NAP1L1: variants seen among roughly 807,000 people sequenced by gnomAD.
The protein encoded by NAP1L1 is nucleosome assembly protein 1-like 1.
Under a neutral mutation model 58.9 loss-of-function variants are expected in NAP1L1, and 9 were observed. That is an observed-to-expected ratio of 0.15 (90% CI 0.09 to 0.27). NAP1L1 has a LOEUF of 0.27. NAP1L1 is among the 10% of genes least tolerant of loss of function. The pLI is 1.00. For synonymous variants in NAP1L1, 130 were observed against 138.3 expected (o/e 0.94, Z 0.42); for missense variants, 302 against 458.8 (o/e 0.66, Z 3.12).
chr12:76,077,196 C>T (rs779910689), intron 1 of NAP1L1, among the ~76,000 whole-genome samples: 34 of 152,188 alleles, frequency 2.2e-4, no homozygotes, highest in Admixed American at 5.2e-4. Context: ...TAAAATGAAA[C>T]TTTAGTAAAG....
rs1280581342 is a variant in NAP1L1 at position 76,059,995 on chromosome 12, C to T, written c.349-117G>A. Reference sequence around the variant, plus strand: ...CAAATGCATACCACAACTTTAACTGCTATTATTGATAGTTCCTCCAAGTGC... The same window carrying T: ...CAAATGCATACCACAACTTTAACTGTTATTATTGATAGTTCCTCCAAGTGC... On this transcript the variant is annotated intron_variant, in intron 5 of 14. Coordinates refer to ENST00000618691, the MANE Select transcript of NAP1L1 (RefSeq NM_004537.7). 7 of 1,165,036 alleles carry T rather than the reference C, an allele frequency of 6.0e-6. No homozygotes were observed. The African/African-American group carries it at 9.3e-5, about 15-fold the overall frequency. The allele number at this position is 1,165,036 out of a possible 1,614,324, so 72.2% of individuals were successfully genotyped here. A position where few individuals can be genotyped will look rare whatever the true frequency, so the allele number is the denominator to read the frequency against.
At chr12:76,050,396 A>T in intron 12 of NAP1L1, 135 bp downstream of exon 12, 1 of 1,096,604 alleles carries the variant, frequency 9.1e-7, no homozygotes, top group Non-Finnish European at 1.3e-6. Flanking sequence ...GAAAAGCTAT[A>T]TACAGAACAT....
At chr12:76,067,280 T>C (rs764088318) in intron 4 of NAP1L1, 91 bp downstream of exon 4, 18 of 965,130 alleles carry the variant, frequency 1.9e-5, no homozygotes, top group Non-Finnish European at 2.9e-5. Context: ...GTTTCCACTA[T>C]TGCATATCTA....
At chr12:76,061,385 G>A (rs1399266019) in intron 4 of NAP1L1, among the ~76,000 whole-genome samples, 1 of 152,202 alleles carries the variant, frequency 6.6e-6, no homozygotes, top group Non-Finnish European at 1.5e-5. Context: ...ACGATATTTG[G>A]TTCTCTGTTC....
chr12:76,063,436 T>C (rs547254275), intron 4 of NAP1L1, among the ~76,000 whole-genome samples: 43 of 152,258 alleles, frequency 2.8e-4, no homozygotes, highest in Non-Finnish European at 5.6e-4. Flanking sequence ...AATTAAAAAA[T>C]AGAGAAAGAT....
Position 76,037,639 on chromosome 12 carries a change from T to C in NAP1L1, c.*10790A>G, listed in dbSNP as rs1871080489. ...TATTTTGACTCGTTCCACTCAACCT[T>C]GAGCGAGTGCCAGTCATACATCTCC... On this transcript the variant is annotated 3_prime_UTR_variant, in exon 15 of 15. Transcript: ENST00000618691. 1 of 152,272 alleles carries C rather than the reference T, an allele frequency of 6.6e-6. No homozygotes were observed. Among genetic ancestry groups the C allele is most frequent in the Non-Finnish European group, 1.5e-5 (1 of 68,068 alleles). 9.4% of individuals were successfully genotyped at this position (152,272 alleles called of 1,614,324 possible). A position where few individuals can be genotyped will look rare whatever the true frequency, so the allele number is the denominator to read the frequency against.
chr12:76,053,037 C>T, intron 11 of NAP1L1, 54 bp downstream of exon 11: 1 of 1,528,034 alleles, frequency 6.5e-7, no homozygotes, highest in Non-Finnish European at 9.0e-7. Flanking sequence ...AAATTCAGTG[C>T]TTTAATTTCA....
intron 6 of NAP1L1, among the ~76,000 whole-genome samples, chr12:76,059,189 G>C (rs1364716285): frequency 2.0e-5 from 3 of 152,192 alleles, no homozygotes; most frequent in Admixed American, 1.3e-4. Context: ...TGTGTGGTAT[G>C]TTTATGTTTA....
Position 76,037,547 on chromosome 12 carries a change from C to T in NAP1L1, c.*10882G>A, listed in dbSNP as rs1195058648. On this transcript the variant is annotated 3_prime_UTR_variant, in exon 15 of 15. Coordinates refer to ENST00000618691, the MANE Select transcript of NAP1L1 (RefSeq NM_004537.7). ...AAACATGACAGAAAACTTCTATTCG[C>T]CTCCAATTGTATACATTCCAATTCC... 1 of 152,232 alleles carries T rather than the reference C, an allele frequency of 6.6e-6. No individual in the cohort carries two copies. The highest frequency in any genetic ancestry group is 2.4e-5 in the African/African-American group (1 of 41,428). 9.4% of individuals were successfully genotyped at this position (152,232 alleles called of 1,614,324 possible).
chr12:76,071,881 A>C (rs1322263421), intron 2 of NAP1L1, among the ~76,000 whole-genome samples: 2 of 151,810 alleles, frequency 1.3e-5, no homozygotes, highest in Admixed American at 6.6e-5. Flanking sequence ...CTAAATGTAG[A>C]GCCTCCTCTA....
Position 76,059,818 on chromosome 12 carries a change from C to G in NAP1L1, c.409G>C (p.Asp137His), listed in dbSNP as rs1237452360. Residue 137 changes from aspartate (D) to histidine (H), a missense_variant, in exon 6 of 15, where the codon GAT (aspartate) becomes CAT (histidine). Coordinates refer to ENST00000618691, the MANE Select transcript of NAP1L1 (RefSeq NM_004537.7). ...PTEEECEWKPDEEDEISEELK... is the reference protein window; with the variant it reads ...PTEEECEWKPHEEDEISEELK... ...CTAACCGAAATCTCATCTTCTTCAT[C>G]TGGTTTCCATTCACATTCTTCTTCC... 2 of 1,604,052 alleles carry G rather than the reference C, an allele frequency of 1.2e-6. No individual in the cohort carries two copies. Among genetic ancestry groups the G allele is most frequent in the African/African-American group, 2.7e-5 (2 of 74,462 alleles).
intron 1 of NAP1L1, among the ~76,000 whole-genome samples, chr12:76,077,705 C>T (rs769721547): frequency 1.3e-5 from 2 of 151,702 alleles, no homozygotes; most frequent in Admixed American, 6.6e-5. Context: ...AAAATATGGC[C>T]GGACGCAGTG....
rs1051622496 is a variant in NAP1L1, at chr12:76,042,905, C to T, written c.*5524G>A. 11 of 152,032 alleles carry T rather than the reference C, an allele frequency of 7.2e-5. No individual in the cohort carries two copies. Among genetic ancestry groups the T allele is most frequent in the African/African-American group, 1.2e-4 (5 of 41,414 alleles). 9.4% of individuals were successfully genotyped at this position (152,032 alleles called of 1,614,324 possible). A position where few individuals can be genotyped will look rare whatever the true frequency, so the allele number is the denominator to read the frequency against. ...ATGTTGATCAGAGTAAAGAATATAC[C>T]GGAATTCTTTCAACTATTTTCAGAG... On this transcript the variant is annotated 3_prime_UTR_variant, in exon 15 of 15. Coordinates refer to ENST00000618691, the MANE Select transcript of NAP1L1 (RefSeq NM_004537.7).
intron 3 of NAP1L1, 128 bp downstream of exon 3, chr12:76,068,781 A>ACAC: frequency 2.3e-6 from 1 of 441,366 alleles, no homozygotes; most frequent in Non-Finnish European, 3.9e-6. Context: ...CACACACACT[A>ACAC]GAAGTATGGA....
intron 12 of NAP1L1, among the ~76,000 whole-genome samples, chr12:76,049,997 G>A (rs182772154): frequency 6.6e-6 from 1 of 152,274 alleles, no homozygotes; most frequent in East Asian, 1.9e-4. Context: ...GTACAATCAT[G>A]TGGATAAAGT....
At position 76,045,968 on chromosome 12, in the gene NAP1L1, A is replaced by G. The variant is rs944429975; in HGVS notation, c.*2461T>C. ...AGAATAATAACCCAGAATATAACCT[A>G]TCAGGAACTATGGAATTCCATTTTA... On this transcript the variant is annotated 3_prime_UTR_variant, in exon 15 of 15. Coordinates refer to ENST00000618691, the MANE Select transcript of NAP1L1 (RefSeq NM_004537.7). 1 of 152,042 alleles carries G rather than the reference A, an allele frequency of 6.6e-6. No homozygotes were observed. Among genetic ancestry groups the G allele is most frequent in the Non-Finnish European group, 1.5e-5 (1 of 67,920 alleles). The allele number at this position is 152,042 out of a possible 1,614,324, so 9.4% of individuals were successfully genotyped here.
chr12:76,079,684 ATTTTTTT>A (rs202002589), intron 1 of NAP1L1, among the ~76,000 whole-genome samples: 1 of 140,694 alleles, frequency 7.1e-6, no homozygotes, highest in Non-Finnish European at 1.5e-5. Flanking sequence ...GCTTGAAGGC[ATTTTTTT>A]TTTTTTTTTG....
intron 1 of NAP1L1, among the ~76,000 whole-genome samples, chr12:76,080,050 G>A (rs182719778): frequency 1.3e-5 from 2 of 152,256 alleles, no homozygotes; most frequent in East Asian, 3.9e-4. Context: ...GAAGAGGGGA[G>A]GCAACTGACT....
rs905722352 is a variant in NAP1L1 at position 76,047,453 on chromosome 12, T to G, written c.*976A>C. ...TTTTTTTTTTTTTTTTACACTTGCT[T>G]ATTAGTATAGCATCTCGTTCCAAAG... is the stretch of plus-strand genomic sequence containing the variant. On this transcript the variant is annotated 3_prime_UTR_variant, in exon 15 of 15. Transcript: ENST00000618691. 6.6e-6 allele frequency: 1 copy of G among 151,202 alleles called. No homozygotes were observed. The highest frequency in any genetic ancestry group is 2.4e-5 in the African/African-American group (1 of 41,190). 9.4% of individuals were successfully genotyped at this position (151,202 alleles called of 1,614,324 possible).
Sources: allele counts gnomAD v4.1 joint callset (sites outside exome capture counted in the v4.1 genomes callset), GRCh38; gene constraint gnomAD v4.1.1; transcripts MANE v1.5; gene names NCBI Gene and HGNC (gene_info 2026-07-23, HGNC 2026-07-21).